Variants in STRADB observed in about 807,000 individuals in gnomAD.
STRADB encodes the protein STE20-related kinase adapter protein beta.
In STRADB, 34 loss-of-function variants were observed where a neutral mutation model predicts 52.1. That is an observed-to-expected ratio of 0.65 (90% CI 0.50 to 0.87). The LOEUF (loss-of-function observed/expected upper bound fraction) is 0.87, where lower values mean the gene tolerates loss of function less well. STRADB is among the 40% of genes least tolerant of loss of function. STRADB has a pLI of 0.00. For missense variants in STRADB, 340 were observed against 483.9 expected, an observed-to-expected ratio of 0.70 and a Z score of 2.79; for synonymous variants, 133 against 174.5, an observed-to-expected ratio of 0.76 and a Z score of 1.87.
In STRADB at chr2:201,480,071, C is replaced by G. The variant is rs778715637; in HGVS notation, c.1153C>G (p.Pro385Ala). 1.2e-6 allele frequency: 2 copies of G among 1,613,844 alleles called. No individual in the cohort carries two copies. The highest frequency in any genetic ancestry group is 1.1e-5 in the South Asian group (1 of 91,078). ...ESQDSILSLL[P>A]PAYNKPSISL... ...CCAGGATTCAATACTTTCACTGTTG[C>G]CTCCTGCTTATAACAAGCCATCAAT... is the stretch of plus-strand genomic sequence containing the variant. The change falls in exon 12 of 12, where the codon CCT becomes GCT. Residue 385 changes from proline to alanine, a missense_variant. Physicochemically the swap from Pro to Ala is conservative, Grantham distance 27. Transcript: ENST00000194530.
intron 7 of STRADB, among the ~76,000 whole-genome samples, chr2:201,476,508 A>G (rs1952475264): frequency 6.6e-6 from 1 of 152,064 alleles, no homozygotes; most frequent in Non-Finnish European, 1.5e-5. Flanking sequence ...ATCGAAAAAC[A>G]AGGCTCTTAT....
chr2:201,472,924 T>G (rs747549055), intron 4 of STRADB, 31 bp from the exon 5 acceptor site: 2 of 1,550,920 alleles, frequency 1.3e-6, no homozygotes, highest in Admixed American at 4.1e-5. Flanking sequence ...TCTTCTTTGG[T>G]TACTAACATG....
At chr2:201,477,378 C>G (rs1168314420) in intron 7 of STRADB, among the ~76,000 whole-genome samples, 2 of 152,202 alleles carry the variant, frequency 1.3e-5, no homozygotes, top group East Asian at 3.9e-4. Context: ...GTTCTTAACA[C>G]GTAGCTTTCA....
At chr2:201,476,250 G>A (rs149927177) in intron 7 of STRADB, among the ~76,000 whole-genome samples, 1 of 152,110 alleles carries the variant, frequency 6.6e-6, no homozygotes, top group African/African-American at 2.4e-5. Context: ...TAAAAACAGT[G>A]CTATTCTAAG....
chr2:201,458,952 A>C, intron 3 of STRADB, 88 bp downstream of exon 3: 1 of 1,173,166 alleles, frequency 8.5e-7, no homozygotes, highest in Non-Finnish European at 1.2e-6. Context: ...ACTTGAGCCT[A>C]GGAGTTCGAG....
At chr2:201,465,667 AGGAATTGCCCT>A (rs1952289736) in intron 3 of STRADB, among the ~76,000 whole-genome samples, 2 of 152,222 alleles carry the variant, frequency 1.3e-5, no homozygotes, top group Non-Finnish European at 2.9e-5. Context: ...GCACAGCACC[AGGAATTGCCCT>A]GGAATTGCAG....
intron 3 of STRADB, among the ~76,000 whole-genome samples, chr2:201,459,461 T>C (rs1952179129): frequency 6.6e-6 from 1 of 152,224 alleles, no homozygotes; most frequent in African/African-American, 2.4e-5. Flanking sequence ...TGAAAACTCA[T>C]CTACTATGTC....
chr2:201,478,091 T>C lies in STRADB; in HGVS notation c.725T>C (p.Leu242Ser). 6.2e-7 allele frequency: 1 copy of C among 1,606,240 alleles called. No homozygotes were observed. Among genetic ancestry groups the C allele is most frequent in the Non-Finnish European group, 8.5e-7 (1 of 1,177,296 alleles). The change falls in exon 9 of 12, where the codon TTA becomes TCA. Residue 242 changes from leucine to serine, a missense_variant. Physicochemically the swap from Leu to Ser is moderately radical, Grantham distance 145. Transcript: ENST00000194530. ...WLSPELLRQDLHGYNVKSDIY... is the reference protein window; with the variant it reads ...WLSPELLRQDSHGYNVKSDIY... ...CAAATTAATTGTGTCCTACAGGATTTACATGGGTATAATGTGAAGTCAGAT... is the reference window on the plus strand; with the variant it reads ...CAAATTAATTGTGTCCTACAGGATTCACATGGGTATAATGTGAAGTCAGAT...
At chr2:201,455,958 A>T (rs1464694754) in intron 2 of STRADB, among the ~76,000 whole-genome samples, 1 of 152,226 alleles carries the variant, frequency 6.6e-6, no homozygotes, top group Admixed American at 6.5e-5. Flanking sequence ...AATACATAAC[A>T]CAGTTACTTA....
intron 3 of STRADB, among the ~76,000 whole-genome samples, chr2:201,464,416 C>T (rs565874440): frequency 2.6e-5 from 4 of 152,256 alleles, no homozygotes; most frequent in South Asian, 2.1e-4. Flanking sequence ...CAGGGAATCT[C>T]GTTTTCTTCC....
At chr2:201,466,153 C>T (rs1403999023) in intron 3 of STRADB, among the ~76,000 whole-genome samples, 1 of 152,034 alleles carries the variant, frequency 6.6e-6, no homozygotes, top group Non-Finnish European at 1.5e-5. Flanking sequence ...CATCTTTATC[C>T]ACCTCCCTCC....
At chr2:201,452,178 C>A (rs1383645116) in intron 1 of STRADB, among the ~76,000 whole-genome samples, 3 of 151,938 alleles carry the variant, frequency 2.0e-5, no homozygotes, top group Admixed American at 1.3e-4. Flanking sequence ...GTTCGCAGCC[C>A]GCCCAGTGGT....
intron 9 of STRADB, 38 bp from the exon 10 acceptor site, chr2:201,478,319 G>A (rs774686337): frequency 1.2e-6 from 2 of 1,607,508 alleles, no homozygotes; most frequent in Admixed American, 3.4e-5. Context: ...TTAATATTTT[G>A]CCTGAAAAGT....
At chr2:201,458,011 G>A (rs1952153460) in intron 2 of STRADB, among the ~76,000 whole-genome samples, 2 of 151,878 alleles carry the variant, frequency 1.3e-5, no homozygotes, top group Non-Finnish European at 2.9e-5. Context: ...GTGACAGACT[G>A]AGACTCCGTC....
intron 3 of STRADB, among the ~76,000 whole-genome samples, chr2:201,459,338 G>A (rs190455452): frequency 5.3e-5 from 8 of 152,212 alleles, no homozygotes; most frequent in Admixed American, 2.0e-4. Context: ...GGCAACAGAC[G>A]TGTCTCTAGA....
chr2:201,469,914 G>T, intron 3 of STRADB, 39 bp from the exon 4 acceptor site: 1 of 1,480,024 alleles, frequency 6.8e-7, no homozygotes, highest in Non-Finnish European at 9.4e-7. Flanking sequence ...GGACCAAGAA[G>T]TTCATCTATT....
At chr2:201,452,689 AAG>A in intron 1 of STRADB, among the ~76,000 whole-genome samples, 1 of 152,196 alleles carries the variant, frequency 6.6e-6, no homozygotes, top group Non-Finnish European at 1.5e-5. Context: ...AAGCTCAACA[AAG>A]AGTTACATCG....
Position 201,478,493 on chromosome 2 carries a change from G to A in STRADB, c.962G>A (p.Gly321Glu), listed in dbSNP as rs1952516386. The change falls in exon 10 of 12, where the codon GGA becomes GAA. Residue 321 changes from glycine (G) to glutamate (E), a missense_variant. By Grantham distance (98) the Gly-to-Glu change is moderately conservative. Coordinates refer to ENST00000194530, the MANE Select transcript of STRADB (RefSeq NM_018571.6). ...GIGESVLVSS[G>E]THTVNSDRLH... ...GGAGAAAGTGTGCTTGTCTCCAGTG[G>A]AACTCACACAGTAAATAGTGACCGA... The A allele has an allele frequency of 6.2e-7, 1 of 1,613,910 alleles. No individual in the cohort carries two copies. Among genetic ancestry groups the A allele is most frequent in the Non-Finnish European group, 8.5e-7 (1 of 1,179,992 alleles).
chr2:201,472,943 G>T lies in STRADB; in HGVS notation c.194-12G>T. 1 of 1,588,346 alleles carries T rather than the reference G, an allele frequency of 6.3e-7. No individual in the cohort carries two copies. Among genetic ancestry groups the T allele is most frequent in the Non-Finnish European group, 8.5e-7 (1 of 1,169,614 alleles). The stretch of plus-strand genomic sequence containing the variant: ...CTTTGGTTACTAACATGAGTTTTAT[G>T]TCTGATTACAGGAAGAGGATTTGAC... On this transcript the variant is annotated splice_polypyrimidine_tract_variant and intron_variant, in intron 4 of 11. Transcript: ENST00000194530.
Sources: gnomAD v4.1 joint callset for allele counts (sites outside exome capture counted in the v4.1 genomes callset) on GRCh38, gnomAD v4.1.1 for gene constraint, MANE v1.5 for transcripts, NCBI Gene and HGNC (gene_info 2026-07-23, HGNC 2026-07-21) for gene names.